The following ZFAND4 variants were observed in gnomAD, a reference collection of about 807,000 sequenced individuals.
ZFAND4 encodes the protein zinc finger AN1-type containing 4.
In ZFAND4, 43 loss-of-function variants were observed where a neutral mutation model predicts 64.4. The ratio of observed to expected loss-of-function variants is 0.67; its 90% CI spans 0.52 to 0.86. ZFAND4 has a LOEUF of 0.86. Among genes scored for constraint, ZFAND4 ranks in the 40% least tolerant of loss-of-function variants. The pLI is 0.00. For missense variants in ZFAND4, 929 were observed against 859.8 expected (o/e 1.08, Z -1.01); for synonymous variants, 296 against 305.7 (o/e 0.97, Z 0.33).
chr10:45,660,793 C>T (rs1435677500), intron 2 of ZFAND4, among the ~76,000 whole-genome samples: 3 of 152,102 alleles, frequency 2.0e-5, no homozygotes, highest in South Asian at 2.1e-4. Context: ...AAAAAAAATA[C>T]CAACTTAGAA....
intron 2 of ZFAND4, among the ~76,000 whole-genome samples, chr10:45,655,035 G>T (rs1452561233): frequency 6.6e-6 from 1 of 152,008 alleles, no homozygotes; most frequent in Admixed American, 6.6e-5. Flanking sequence ...TTCAACCGAA[G>T]AACTGAAAAA....
At chr10:45,631,069 A>G (rs1262693700) in intron 6 of ZFAND4, among the ~76,000 whole-genome samples, 2 of 152,030 alleles carry the variant, frequency 1.3e-5, no homozygotes, top group Non-Finnish European at 2.9e-5. Flanking sequence ...CTGTAATCCT[A>G]GCACTTTGGA....
At position 45,616,515 on chromosome 10, in the gene ZFAND4, T is replaced by C. The variant is rs1281276359; in HGVS notation, c.2105A>G (p.Tyr702Cys). 1 of 1,614,200 alleles carries C rather than the reference T, an allele frequency of 6.2e-7. No homozygotes were observed. Among genetic ancestry groups the C allele is most frequent in the Non-Finnish European group, 8.5e-7 (1 of 1,180,024 alleles). Residue 702 changes from tyrosine to cysteine, a missense_variant, in exon 10 of 10, where the codon TAT becomes TGT. Coordinates refer to ENST00000344646, the MANE Select transcript of ZFAND4 (RefSeq NM_174890.4). The part of the protein sequence containing the change: ...HRYAETHGCT[Y>C]DYKSAGRRYL... ...TCTCCTCCCTGCACTCTTGTAATCA[T>C]AGGTACAGCCATGAGTTTCTGCATA...
chr10:45,630,271 CA>C (rs2046114168), intron 6 of ZFAND4, among the ~76,000 whole-genome samples: 1 of 151,954 alleles, frequency 6.6e-6, no homozygotes, highest in African/African-American at 2.4e-5. Context: ...ATCATAAATG[CA>C]AAAACTCAAG....
chr10:45,624,756 T>C, intron 7 of ZFAND4, 119 bp from the exon 8 acceptor site: 1 of 801,136 alleles, frequency 1.2e-6, no homozygotes, highest in Non-Finnish European at 2.0e-6. Flanking sequence ...TTTTAAATTA[T>C]TTATTCCAAT....
chr10:45,625,178 A>G (rs1198086245), intron 7 of ZFAND4, among the ~76,000 whole-genome samples: 1 of 145,978 alleles, frequency 6.9e-6, no homozygotes, highest in African/African-American at 2.5e-5. Context: ...CCCTGTCTCA[A>G]AAAAAAAAAA....
intron 7 of ZFAND4, among the ~76,000 whole-genome samples, chr10:45,625,473 CAAAAA>C (rs1195950172): frequency 1.9e-5 from 1 of 53,088 alleles, no homozygotes. Flanking sequence ...GACTCCGTCT[CAAAAA>C]AAAAAAAAAA....
Position 45,616,218 on chromosome 10 carries a change from TC to T in ZFAND4, c.*217del. 1.1e-5 allele frequency: 6 copies of T among 545,630 alleles called. No homozygotes were observed. The highest frequency in any genetic ancestry group is 5.8e-5 in the African/African-American group (3 of 51,654). The allele number at this position is 545,630 out of a possible 1,614,324, so 33.8% of individuals were successfully genotyped here. A position where few individuals can be genotyped will look rare whatever the true frequency, so the allele number is the denominator to read the frequency against. On this transcript the variant is annotated 3_prime_UTR_variant, in exon 10 of 10. Coordinates refer to ENST00000344646, the MANE Select transcript of ZFAND4 (RefSeq NM_174890.4). ...ACATGCAATAACAAAGCTAAATCATTCCAGTGTAAAGTTGTTAAAACTACTT... is the reference window on the plus strand; with the variant it reads ...ACATGCAATAACAAAGCTAAATCATTCAGTGTAAAGTTGTTAAAACTACTT...
At chr10:45,659,456 C>A (rs1246183710) in intron 2 of ZFAND4, among the ~76,000 whole-genome samples, 1 of 152,190 alleles carries the variant, frequency 6.6e-6, no homozygotes, top group African/African-American at 2.4e-5. Flanking sequence ...GCACTTATAA[C>A]TACAGCAAAC....
chr10:45,624,549 C>A (rs1291101999), intron 8 of ZFAND4, 34 bp downstream of exon 8: 1 of 1,597,826 alleles, frequency 6.3e-7, no homozygotes, highest in Non-Finnish European at 8.6e-7. Context: ...TAATTATCAG[C>A]CTTGTATTGT....
chr10:45,618,245 T>C lies in ZFAND4; in HGVS notation c.1943A>G (p.His648Arg). The C allele has an allele frequency of 1.9e-6, 3 of 1,613,098 alleles. No homozygotes were observed. The highest frequency in any genetic ancestry group is 1.3e-5 in the African/African-American group (1 of 74,988). The change falls in exon 9 of 10, where the codon CAT (histidine) becomes CGT (arginine). Residue 648 changes from histidine to arginine, a missense_variant. Physicochemically the swap from His to Arg is conservative, Grantham distance 29 (BLOSUM62 0). Transcript: ENST00000344646. ...AGKSVGECTT[H>R]HLPPVKAPLQ... ...AGGGGCTTTCACAGGTGGGAGGTGA[T>C]GAGTAGTACATTCTCCTGTTTAGAG... is the stretch of plus-strand genomic sequence containing the variant.
chr10:45,632,231 G>A (rs111516590), intron 6 of ZFAND4, among the ~76,000 whole-genome samples: 5,482 of 152,170 alleles, frequency 0.036, 111 homozygotes, highest in East Asian at 0.053. Context: ...GGTGGCACAC[G>A]CCTGTAATCC....
At chr10:45,666,341 T>C (rs967614687) in intron 1 of ZFAND4, among the ~76,000 whole-genome samples, 12 of 152,216 alleles carry the variant, frequency 7.9e-5, no homozygotes, top group Non-Finnish European at 1.5e-4. Context: ...TATTGGCCAT[T>C]TGCATACATT....
chr10:45,654,266 C>T (rs985022361), intron 2 of ZFAND4, among the ~76,000 whole-genome samples: 3 of 152,122 alleles, frequency 2.0e-5, no homozygotes, highest in Non-Finnish European at 4.4e-5. Context: ...CAGCAACACA[C>T]AATTTACCCA....
At chr10:45,667,039 C>G (rs2048869303) in intron 1 of ZFAND4, among the ~76,000 whole-genome samples, 1 of 152,118 alleles carries the variant, frequency 6.6e-6, no homozygotes, top group Non-Finnish European at 1.5e-5. Flanking sequence ...GGGATTTTGA[C>G]AGGGATTGTA....
At chr10:45,663,915 G>C in intron 1 of ZFAND4, 73 bp from the exon 2 acceptor site, 1 of 469,322 alleles carries the variant, frequency 2.1e-6, no homozygotes, top group Non-Finnish European at 3.7e-6. Flanking sequence ...TCCGTTAACT[G>C]TGGCCCATAT....
At chr10:45,653,101 T>G in intron 2 of ZFAND4, 42 bp from the exon 3 acceptor site, 1 of 1,378,412 alleles carries the variant, frequency 7.3e-7, no homozygotes, top group Non-Finnish European at 1.0e-6. Context: ...AAGAATTCAA[T>G]AGCATCTCCA....
rs753079244 is a variant in ZFAND4, at chr10:45,626,639, A to G, written c.1184T>C (p.Leu395Pro). Residue 395 changes from leucine (L) to proline (P), a missense_variant, in exon 7 of 10, where the codon CTA (leucine) becomes CCA (proline). Leu to Pro is a moderately conservative substitution (Grantham distance 98). Transcript: ENST00000344646. ...SEECVTEQSL[L>P]PKVGSLASFA... ...TGAAGCCAGTGAGCCCACTTTAGGT[A>G]GAAGTGATTGTTCGGTTACACATTC... 1.2e-6 allele frequency: 2 copies of G among 1,614,238 alleles called. No homozygotes were observed. The highest frequency in any genetic ancestry group is 8.5e-7 in the Non-Finnish European group (1 of 1,180,028).
At chr10:45,640,275 T>C in intron 5 of ZFAND4, 4 of 1,231,288 alleles carry the variant, frequency 3.2e-6, no homozygotes, top group Non-Finnish European at 4.1e-6. Flanking sequence ...TCCATTTCCA[T>C]GAGAATGTCT....
Sources: gnomAD v4.1 joint callset for allele counts (sites outside exome capture counted in the v4.1 genomes callset) on GRCh38, gnomAD v4.1.1 for gene constraint, MANE v1.5 for transcripts, NCBI Gene and HGNC (gene_info 2026-07-23, HGNC 2026-07-21) for gene names.